The following VWA5B1 variants were observed in gnomAD, a reference collection of about 807,000 sequenced individuals.
VWA5B1 encodes von Willebrand factor A domain containing 5B1.
VWA5B1 carries 115 observed loss-of-function variants against 118.2 expected under a neutral mutation model. That is an observed-to-expected ratio of 0.97 (90% CI 0.84 to 1.14). The LOEUF (loss-of-function observed/expected upper bound fraction) is 1.14, where lower values mean the gene tolerates loss of function less well. VWA5B1 is among the 50% of genes most tolerant of loss of function. The pLI, the probability that VWA5B1 is intolerant of heterozygous loss-of-function variation, is 0.00. For missense variants in VWA5B1, 1,596 were observed against 1,603.8 expected (o/e 1.00, Z 0.08); for synonymous variants, 682 against 658.4 (o/e 1.04, Z -0.55).
chr1:20,291,328 G>GCTCT (rs1205696173), intron 1 of VWA5B1, among the ~76,000 whole-genome samples: 1,887 of 135,572 alleles, frequency 0.014, 47 homozygotes, highest in African/African-American at 0.054. Context: ...CTCAGGTCCA[G>GCTCT]CTCTCTCTCT....
rs896932886 is a variant in VWA5B1 at position 20,336,383 on chromosome 1, C to T, written c.1839C>T (p.Pro613=). The change falls in exon 13 of 22, where the codon CCC becomes CCT. Residue 613 remains proline, a synonymous_variant. Coordinates refer to ENST00000289815, the MANE Select transcript of VWA5B1 (RefSeq NM_001039500.3). ...TCTACCACTCTCAGGATGACGGACC[C>T]GGGCTGGAAGGTGGAGACTGTGCCA... The part of the protein sequence containing the change: ...SVFYHSQDDG[P]GLEGGDCAKN... The T allele has an allele frequency of 6.2e-5, 94 of 1,526,668 alleles. No homozygotes were observed. Among genetic ancestry groups the T allele is most frequent in the Non-Finnish European group, 7.9e-5 (90 of 1,134,348 alleles). The allele number at this position is 1,526,668 out of a possible 1,614,324, so 94.6% of individuals were successfully genotyped here.
chr1:20,327,047 T>C (rs1326535993), intron 8 of VWA5B1, among the ~76,000 whole-genome samples: 1 of 152,062 alleles, frequency 6.6e-6, no homozygotes, highest in Non-Finnish European at 1.5e-5. Context: ...TCATCATCAA[T>C]TTTGCTTCTA....
At chr1:20,313,054 G>A in intron 3 of VWA5B1, 66 bp downstream of exon 3, 1 of 1,523,246 alleles carries the variant, frequency 6.6e-7, no homozygotes, top group Non-Finnish European at 8.8e-7. Context: ...CTGGGCTGGA[G>A]CCTCAGGCCA....
intron 4 of VWA5B1, among the ~76,000 whole-genome samples, chr1:20,316,825 G>A (rs546747422): frequency 4.6e-5 from 7 of 152,160 alleles, no homozygotes; most frequent in African/African-American, 4.8e-5. Context: ...AGGACGTGGC[G>A]TGACGCAGTA....
At chr1:20,291,169 T>A in intron 1 of VWA5B1, 81 bp downstream of exon 1, 1 of 136,592 alleles carries the variant, frequency 7.3e-6, no homozygotes, top group Non-Finnish European at 1.5e-5. Flanking sequence ...TGCATGAGTG[T>A]GTGTGTGTAT....
chr1:20,312,788 G>T (rs966355340), intron 2 of VWA5B1, 48 bp from the exon 3 acceptor site: 7 of 1,509,586 alleles, frequency 4.6e-6, no homozygotes, highest in Non-Finnish European at 5.3e-6. Flanking sequence ...CAAGGGGTGT[G>T]CAGGGTAGGC....
rs2090234617 is a variant in VWA5B1, at chr1:20,356,629, A to G, written c.*2366A>G. On this transcript the variant is annotated 3_prime_UTR_variant, in exon 22 of 22. Transcript: ENST00000289815. ...CAAGAAATCCAGCAAGGTGGTGGGC[A>G]TGCCACCCACTTCTCTAGGAAAGTT... Among the ~76,000 whole-genome samples the G allele has an allele frequency of 6.6e-6, 1 of 152,194 alleles. No homozygotes were observed. The highest frequency in any genetic ancestry group is 1.5e-5 in the Non-Finnish European group (1 of 68,038).
intron 12 of VWA5B1, 114 bp from the exon 13 acceptor site, chr1:20,336,189 T>C (rs1376407663): frequency 1.1e-6 from 1 of 907,060 alleles, no homozygotes; most frequent in African/African-American, 1.7e-5. Context: ...CCTGTTGAGC[T>C]GTTTCTTCAG....
intron 12 of VWA5B1, among the ~76,000 whole-genome samples, chr1:20,334,191 A>G (rs1305033307): frequency 1.3e-5 from 2 of 152,188 alleles, no homozygotes; most frequent in Non-Finnish European, 2.9e-5. Flanking sequence ...ATGTTATGAA[A>G]TGTTTTCAGA....
chr1:20,326,321 G>A (rs1001290536), intron 8 of VWA5B1, among the ~76,000 whole-genome samples: 5 of 151,916 alleles, frequency 3.3e-5, no homozygotes, highest in South Asian at 2.1e-4. Flanking sequence ...GAAGGATGAC[G>A]GCTTCCCTGA....
chr1:20,334,089 T>A (rs1259015584), intron 12 of VWA5B1, among the ~76,000 whole-genome samples: 1 of 152,178 alleles, frequency 6.6e-6, no homozygotes, highest in Non-Finnish European at 1.5e-5. Flanking sequence ...CCTAACAAAG[T>A]GCCATCATGC....
Position 20,319,464 on chromosome 1 carries a change from T to C in VWA5B1, c.924T>C (p.Asp308=), listed in dbSNP as rs1452449804. The C allele has an allele frequency of 1.3e-6, 2 of 1,551,604 alleles. No individual in the cohort carries two copies. Among genetic ancestry groups the C allele is most frequent in the Non-Finnish European group, 1.7e-6 (2 of 1,147,008 alleles). Residue 308 remains aspartate, a synonymous_variant, in exon 7 of 22, where the codon GAT becomes GAC. Coordinates refer to ENST00000289815, the MANE Select transcript of VWA5B1 (RefSeq NM_001039500.3). The stretch of plus-strand genomic sequence containing the variant: ...ACCAGCACTTGAAGGGAAGAACAGA[T>C]TTCATTAAAGGGATGAAGAAGAAGA... ...EFDQHLKGRT[D]FIKGMKKKSR...
At chr1:20,308,694 G>A (rs1327520783) in intron 1 of VWA5B1, among the ~76,000 whole-genome samples, 4 of 152,138 alleles carry the variant, frequency 2.6e-5, no homozygotes, top group Non-Finnish European at 5.9e-5. Flanking sequence ...CTGTCAGTCA[G>A]CCCAACAGGA....
Position 20,332,901 on chromosome 1 carries a change from G to T in VWA5B1, c.1708G>T (p.Gly570Trp). ...CCTCTTCCCTGGAGAACGGCTGGTG[G>T]GGTATGGCATTGTATGTGATGCTTC... ...SSLFPGERLV[G>W]YGIVCDASLH... Residue 570 changes from glycine to tryptophan, a missense_variant, in exon 12 of 22, where the codon GGG becomes TGG. Coordinates refer to ENST00000289815, the MANE Select transcript of VWA5B1 (RefSeq NM_001039500.3). 1.3e-6 allele frequency: 2 copies of T among 1,551,880 alleles called. No individual in the cohort carries two copies. The highest frequency in any genetic ancestry group is 1.2e-5 in the South Asian group (1 of 84,068).
intron 18 of VWA5B1, chr1:20,348,970 C>T (rs529664350): frequency 8.5e-6 from 2 of 234,688 alleles, no homozygotes; most frequent in South Asian, 5.2e-5. Flanking sequence ...CTCATCCTAA[C>T]CCCTTTCTAG....
rs1415523954 is a variant in VWA5B1 at position 20,330,308 on chromosome 1, C to T, written c.1383C>T (p.Phe461=). 6.4e-6 allele frequency: 10 copies of T among 1,551,664 alleles called. No homozygotes were observed. Among genetic ancestry groups the T allele is most frequent in the African/African-American group, 1.4e-5 (1 of 73,052 alleles). ...ACCGAGGCCACCCGCGGCTCCTCTT[C>T]GTGATCACAGATGGCGCTGTCAACA... ...PVHRGHPRLL[F]VITDGAVNNT... The change falls in exon 10 of 22, where the codon TTC becomes TTT. Residue 461 remains phenylalanine (F), a synonymous_variant. Transcript: ENST00000289815.
Position 20,330,440 on chromosome 1 carries a change from C to A in VWA5B1, c.1457+58C>A, listed in dbSNP as rs1476461298. On this transcript the variant is annotated intron_variant, in intron 10 of 21. Coordinates refer to ENST00000289815, the MANE Select transcript of VWA5B1 (RefSeq NM_001039500.3). ...CTCCAGGCTGCCGGGGCTGGGGCGC[C>A]AGAGCCCAAGGGCAATGTGGAAAAT... The A allele has an allele frequency of 4.5e-6, 7 of 1,541,068 alleles. No homozygotes were observed. In the East Asian group the frequency reaches 1.7e-4, roughly 38 times the overall value.
At chr1:20,321,222 G>A (rs1244434653) in intron 7 of VWA5B1, among the ~76,000 whole-genome samples, 1 of 151,898 alleles carries the variant, frequency 6.6e-6, no homozygotes, top group African/African-American at 2.4e-5. Flanking sequence ...AATCTTAGGG[G>A]GGCAATACTG....
At position 20,310,630 on chromosome 1, in the gene VWA5B1, G is replaced by A. The variant is rs1471623424; in HGVS notation, c.29G>A (p.Gly10Glu). The change falls in exon 2 of 22, where the codon GGG (glycine) becomes GAG (glutamate). Residue 10 changes from glycine (G) to glutamate (E), a missense_variant. Coordinates refer to ENST00000289815, the MANE Select transcript of VWA5B1 (RefSeq NM_001039500.3). The stretch of plus-strand genomic sequence containing the variant: ...CCCGGCTTGCTGAATTGGATCACGG[G>A]GGCAGCCCTGCCCCTCACCGCGTCT... MPGLLNWIT[G>E]AALPLTASDV... 6.5e-7 allele frequency: 1 copy of A among 1,547,088 alleles called. No individual in the cohort carries two copies. Among genetic ancestry groups the A allele is most frequent in the East Asian group, 2.5e-5 (1 of 40,540 alleles).
Sources: gnomAD v4.1 joint callset for allele counts (sites outside exome capture counted in the v4.1 genomes callset) on GRCh38, gnomAD v4.1.1 for gene constraint, MANE v1.5 for transcripts, NCBI Gene and HGNC (gene_info 2026-07-23, HGNC 2026-07-21) for gene names.